Variants in AMOTL1 observed in about 807,000 individuals in gnomAD.
AMOTL1 encodes the protein angiomotin-like protein 1.
Under a neutral mutation model 102.9 loss-of-function variants are expected in AMOTL1, and 45 were observed. The observed-to-expected ratio is 0.44, with a 90% CI of 0.34 to 0.56. The LOEUF is 0.56. Ranked by LOEUF, AMOTL1 falls within the 20% of genes least tolerant of loss-of-function variation. AMOTL1 has a pLI of 0.01. For synonymous variants in AMOTL1, 481 were observed against 484.7 expected, an observed-to-expected ratio of 0.99 and a Z score of 0.10; for missense variants, 1,114 against 1,225.6, an observed-to-expected ratio of 0.91 and a Z score of 1.36.
At position 94,800,265 on chromosome 11, in the gene AMOTL1, G is replaced by A. The variant is rs752476850; in HGVS notation, c.1075G>A (p.Val359Met). The A allele has an allele frequency of 6.2e-7, 1 of 1,613,502 alleles. No homozygotes were observed. ...YPAPQPVRTD[V>M]AVLRYQPPPE... is the part of the protein sequence containing the mutation. ...TGCTCCTCAGCCTGTGAGAACAGAT[G>A]TGGCCGTCCTGCGGTACCAGCCACC... is the stretch of plus-strand genomic sequence containing the variant. The change falls in exon 3 of 13, where the codon GTG (valine) becomes ATG (methionine). Residue 359 changes from valine (V) to methionine (M), a missense_variant. Physicochemically the swap from Val to Met is conservative, Grantham distance 21 (BLOSUM62 1). Coordinates refer to ENST00000433060, the MANE Select transcript of AMOTL1 (RefSeq NM_130847.3).
chr11:94,812,727 T>C (rs933686213), intron 3 of AMOTL1, among the ~76,000 whole-genome samples: 32 of 152,070 alleles, frequency 2.1e-4, no homozygotes, highest in African/African-American at 4.8e-5. Flanking sequence ...GGCTTAGTGA[T>C]TTTGGGGTCC....
intron 8 of AMOTL1, among the ~76,000 whole-genome samples, chr11:94,856,725 C>G (rs1952674369): frequency 6.6e-6 from 1 of 152,196 alleles, no homozygotes. Flanking sequence ...ATGCTGGGGT[C>G]ACACTGTCAC....
chr11:94,718,966 T>A (rs945583093), intron 1 of AMOTL1, among the ~76,000 whole-genome samples: 2 of 151,982 alleles, frequency 1.3e-5, no homozygotes, highest in African/African-American at 4.8e-5. Context: ...CATGCCAGAA[T>A]TGTAAAATTA....
intron 2 of AMOTL1, among the ~76,000 whole-genome samples, chr11:94,730,640 T>C (rs1361041045): frequency 6.6e-6 from 1 of 152,136 alleles, no homozygotes; most frequent in African/African-American, 2.4e-5. Context: ...AAATTCATGG[T>C]GTATATTTGA....
intron 1 of AMOTL1, among the ~76,000 whole-genome samples, chr11:94,773,144 T>C (rs1185460329): frequency 5.3e-5 from 8 of 152,254 alleles, no homozygotes; most frequent in Admixed American, 5.2e-4. Flanking sequence ...CTTGCACATA[T>C]ATTTTCCCAA....
intron 9 of AMOTL1, among the ~76,000 whole-genome samples, chr11:94,862,129 C>G (rs1255742732): frequency 6.6e-6 from 1 of 152,152 alleles, no homozygotes; most frequent in Non-Finnish European, 1.5e-5. Flanking sequence ...TCCTTCTTTG[C>G]TTTTACACAT....
At chr11:94,812,628 G>GTTTT in intron 3 of AMOTL1, among the ~76,000 whole-genome samples, 1 of 152,304 alleles carries the variant, frequency 6.6e-6, no homozygotes, top group South Asian at 2.1e-4. Flanking sequence ...GTTTTGTTTT[G>GTTTT]TTTTGTTTTG....
At chr11:94,771,262 G>GGC (rs1555067552) in intron 1 of AMOTL1, among the ~76,000 whole-genome samples, 14 of 146,654 alleles carry the variant, frequency 9.5e-5, no homozygotes, top group South Asian at 8.9e-4. Flanking sequence ...GCGGGGTTGG[G>GGC]GGGGGGGTGC....
chr11:94,707,035 G>A (rs1164741407), intron 1 of AMOTL1, among the ~76,000 whole-genome samples: 1 of 152,050 alleles, frequency 6.6e-6, no homozygotes, highest in African/African-American at 2.4e-5. Context: ...TGTTTCGCTG[G>A]TGTGAATGCT....
Position 94,795,027 on chromosome 11 carries a change from T to A in AMOTL1, c.66T>A (p.Cys22Ter). The change falls in exon 2 of 13, where the codon TGT (cysteine) becomes TGA (stop). Residue 22 changes from cysteine to a stop codon, truncating the protein, a stop_gained. Coordinates refer to ENST00000433060, the MANE Select transcript of AMOTL1 (RefSeq NM_130847.3). LOFTEE classifies it high-confidence loss of function. ...TTCCCCCAGGGTCCCCTTCTGCTTG[T>A]TATAGCCCCAGTAGTCCTGTCCAGG... ...EPAVKGSPSA[C>*]YSPSSPVQVL... 1 of 1,610,476 alleles carries A rather than the reference T, an allele frequency of 6.2e-7. No individual in the cohort carries two copies. Among genetic ancestry groups the A allele is most frequent in the Non-Finnish European group, 8.5e-7 (1 of 1,178,934 alleles).
intron 3 of AMOTL1, among the ~76,000 whole-genome samples, chr11:94,811,385 C>T (rs551606755): frequency 3.9e-5 from 6 of 152,158 alleles, no homozygotes; most frequent in Admixed American, 1.3e-4. Context: ...GTCCCAGCCG[C>T]TCGGGAGGCT....
In AMOTL1 at chr11:94,768,565, C is replaced by T; in HGVS notation, c.49+5C>T. 6.3e-7 allele frequency: 1 copy of T among 1,592,794 alleles called. No homozygotes were observed. The highest frequency in any genetic ancestry group is 8.5e-7 in the Non-Finnish European group (1 of 1,170,112). Reference sequence around the variant, plus strand: ...CTTGTGAGCCTGCGGTGAAAGGTAACCAGCCCCCACTCGAGGTGCCGGGAG... The same window carrying T: ...CTTGTGAGCCTGCGGTGAAAGGTAATCAGCCCCCACTCGAGGTGCCGGGAG... On this transcript the variant is annotated splice_donor_5th_base_variant and intron_variant, in intron 1 of 12. Coordinates refer to ENST00000433060, the MANE Select transcript of AMOTL1 (RefSeq NM_130847.3).
intron 1 of AMOTL1, among the ~76,000 whole-genome samples, chr11:94,719,203 T>C (rs1950138948): frequency 6.6e-6 from 1 of 152,130 alleles, no homozygotes; most frequent in Non-Finnish European, 1.5e-5. Flanking sequence ...GGACTTCCTA[T>C]TCTGTGCTAC....
At chr11:94,722,093 G>T (rs932864420) in intron 1 of AMOTL1, among the ~76,000 whole-genome samples, 2 of 152,120 alleles carry the variant, frequency 1.3e-5, no homozygotes, top group African/African-American at 4.8e-5. Flanking sequence ...AGGTGGTGTT[G>T]TTTATGGCTC....
chr11:94,865,977 A>G lies in AMOTL1; in HGVS notation c.2297A>G (p.Asp766Gly), dbSNP rs1216309549. 3.1e-6 allele frequency: 5 copies of G among 1,613,808 alleles called. No individual in the cohort carries two copies. Among genetic ancestry groups the G allele is most frequent in the African/African-American group, 1.3e-5 (1 of 74,910 alleles). The change falls in exon 11 of 13, where the codon GAT becomes GGT. Residue 766 changes from aspartate (D) to glycine (G), a missense_variant. Physicochemically the swap from Asp to Gly is moderately conservative, Grantham distance 94 (BLOSUM62 -1). Coordinates refer to ENST00000433060, the MANE Select transcript of AMOTL1 (RefSeq NM_130847.3). ...KNLHAKIIEK[D>G]AMIKVLQQRS... ...CTCCATGCCAAAATCATAGAGAAAG[A>G]TGCTATGATTAAGGTCCTGCAGCAG...
intron 7 of AMOTL1, among the ~76,000 whole-genome samples, chr11:94,851,125 C>A (rs184567653): frequency 1.3e-5 from 2 of 152,280 alleles, no homozygotes; most frequent in African/African-American, 4.8e-5. Context: ...GCATAAGGCT[C>A]CGGGGCAACA....
chr11:94,767,836 G>A (rs1404016977), upstream of AMOTL1, among the ~76,000 whole-genome samples: 1 of 152,130 alleles, frequency 6.6e-6, no homozygotes, highest in Non-Finnish European at 1.5e-5. Flanking sequence ...AGGCTGTCAG[G>A]TCTGTTTTGG....
intron 3 of AMOTL1, among the ~76,000 whole-genome samples, chr11:94,754,102 A>C (rs1227009115): frequency 6.6e-6 from 1 of 152,214 alleles, no homozygotes; most frequent in African/African-American, 2.4e-5. Flanking sequence ...GGAAGGGGTT[A>C]AGTGAGATAA....
At chr11:94,791,206 A>G (rs1411394986) in intron 1 of AMOTL1, among the ~76,000 whole-genome samples, 1 of 152,238 alleles carries the variant, frequency 6.6e-6, no homozygotes, top group Non-Finnish European at 1.5e-5. Flanking sequence ...AAAAGGAGCC[A>G]TTCTTGGTGA....
Sources: gnomAD v4.1 joint callset for allele counts (sites outside exome capture counted in the v4.1 genomes callset) on GRCh38, gnomAD v4.1.1 for gene constraint, MANE v1.5 for transcripts, NCBI Gene and HGNC (gene_info 2026-07-23, HGNC 2026-07-21) for gene names.